Variants in CHD9 observed in about 807,000 individuals in gnomAD.
CHD9 encodes chromodomain helicase DNA binding protein 9, also known as ATP-dependent chromatin remodeler CHD9.
Under a neutral mutation model 316.1 loss-of-function variants are expected in CHD9, and 77 were observed. The observed-to-expected ratio is 0.24, with a 90% confidence interval of 0.20 to 0.29. The LOEUF is 0.29. Ranked by LOEUF, CHD9 falls within the 10% of genes least tolerant of loss-of-function variation. The pLI is 1.00. For missense variants in CHD9, 2,763 were observed against 3,438.1 expected, an observed-to-expected ratio of 0.80 and a Z score of 4.91; for synonymous variants, 1,129 against 1,158.3, an observed-to-expected ratio of 0.97 and a Z score of 0.51.
rs544387273 is a variant in CHD9 at position 53,087,820 on chromosome 16, C to T, written c.-165+32743C>T. Reference sequence around the variant, plus strand: ...AAAATTAACCAGGCATGGTCGTGGGCGCCCATAATCCCAGCTACTCGGGAA... The same window carrying T: ...AAAATTAACCAGGCATGGTCGTGGGTGCCCATAATCCCAGCTACTCGGGAA... On this transcript the variant is annotated intron_variant, in intron 1 of 38. Transcript: ENST00000447540. Among the ~76,000 whole-genome samples, 10 of 151,994 alleles carry T rather than the reference C, an allele frequency of 6.6e-5. No homozygotes were observed. In the South Asian group the frequency reaches 1.0e-3, roughly 16 times the overall value.
intron 1 of CHD9, among the ~76,000 whole-genome samples, chr16:53,137,194 G>A (rs1039937097): frequency 1.4e-4 from 22 of 152,150 alleles, no homozygotes; most frequent in Non-Finnish European, 2.5e-4. Flanking sequence ...GGATGGTCTC[G>A]ATCTCTTGAC....
chr16:53,203,849 C>T (rs569313736), intron 2 of CHD9, among the ~76,000 whole-genome samples: 4 of 151,416 alleles, frequency 2.6e-5, no homozygotes, highest in African/African-American at 9.7e-5. Flanking sequence ...TGGTGAAACC[C>T]CGTCTCTACT....
At position 53,108,084 on chromosome 16, in the gene CHD9, T is replaced by C. The variant is rs992567576; in HGVS notation, c.-164-47842T>C. ...TTCAAATAAAGTCATAAACTTTCCT[T>C]GTGGTATAATTTGAGGGTAAGACCT... On this transcript the variant is annotated intron_variant, in intron 1 of 38. Coordinates refer to ENST00000447540, the MANE Select transcript of CHD9 (RefSeq NM_001308319.2). 9.2e-5 allele frequency among the ~76,000 whole-genome samples: 14 copies of C among 152,332 alleles called. 1 individual carries two copies. Among genetic ancestry groups the C allele is most frequent in the Non-Finnish European group, 1.5e-5 (1 of 68,018 alleles).
chr16:53,140,178 C>T (rs1020558170), intron 1 of CHD9, among the ~76,000 whole-genome samples: 2 of 151,260 alleles, frequency 1.3e-5, no homozygotes, highest in Non-Finnish European at 2.9e-5. Context: ...ATATTTAGGC[C>T]GGGAGTGGTG....
chr16:53,289,986 C>T (rs2054194723), intron 27 of CHD9, among the ~76,000 whole-genome samples: 1 of 152,130 alleles, frequency 6.6e-6, no homozygotes, highest in African/African-American at 2.4e-5. Context: ...AGAAACTGCT[C>T]AAATTGACCA....
At position 53,285,629 on chromosome 16, in the gene CHD9, C is replaced by A; in HGVS notation, c.5001C>A (p.His1667Gln). 6.2e-7 allele frequency: 1 copy of A among 1,607,858 alleles called. No homozygotes were observed. Among genetic ancestry groups the A allele is most frequent in the Non-Finnish European group, 8.5e-7 (1 of 1,176,684 alleles). ...ATGTTTGGGTACCAGAACCAGACCA[C>A]TCAGAAGTTCCTGCTGAGTGGTGGG... Reference protein sequence around the residue: ...DIDVWVPEPDHSEVPAEWWDF... With the variant: ...DIDVWVPEPDQSEVPAEWWDF... The change falls in exon 25 of 39, where the codon CAC becomes CAA. Residue 1667 changes from histidine (H) to glutamine (Q), a missense_variant. His to Gln is a conservative substitution (Grantham distance 24). This residue lies in a region of CHD9 where 40 missense variants were observed against 39.5 expected (regional missense o/e 1.01). Transcript: ENST00000447540.
intron 1 of CHD9, among the ~76,000 whole-genome samples, chr16:53,081,535 TCAC>T (rs1443206169): frequency 1.5e-4 from 23 of 152,138 alleles, no homozygotes; most frequent in African/African-American, 5.3e-4. Flanking sequence ...CGTGTCTTAT[TCAC>T]CACTCTATCC....
At chr16:53,163,475 G>A (rs1052492067) in intron 2 of CHD9, among the ~76,000 whole-genome samples, 2 of 152,164 alleles carry the variant, frequency 1.3e-5, no homozygotes, top group Admixed American at 1.3e-4. Flanking sequence ...CTCCCAAAGT[G>A]CTGGGATTAC....
intron 1 of CHD9, among the ~76,000 whole-genome samples, chr16:53,126,662 ATTCT>A (rs2038981262): frequency 1.6e-5 from 2 of 123,216 alleles, no homozygotes; most frequent in Non-Finnish European, 1.6e-5. Flanking sequence ...TCATTCATTC[ATTCT>A]TTCTTTCGTT....
chr16:53,163,150 T>A (rs1017258895), intron 2 of CHD9, among the ~76,000 whole-genome samples: 3 of 146,466 alleles, frequency 2.0e-5, no homozygotes, highest in Admixed American at 6.8e-5. Flanking sequence ...TGTTGTGTTA[T>A]GTAAGATTCC....
chr16:53,118,074 G>T (rs1000714339), intron 1 of CHD9, among the ~76,000 whole-genome samples: 4 of 151,974 alleles, frequency 2.6e-5, no homozygotes, highest in Non-Finnish European at 5.9e-5. Flanking sequence ...TGATCCACCC[G>T]CCTCGGCCTC....
intron 2 of CHD9, among the ~76,000 whole-genome samples, chr16:53,170,662 T>C (rs1221455136): frequency 3.3e-5 from 5 of 151,852 alleles, no homozygotes; most frequent in Non-Finnish European, 7.4e-5. Context: ...GAAATTCTGA[T>C]TGAATTTCAC....
chr16:53,202,824 C>T (rs958773545), intron 2 of CHD9, among the ~76,000 whole-genome samples: 6 of 151,854 alleles, frequency 4.0e-5, no homozygotes, highest in South Asian at 2.1e-4. Context: ...GGTACTACTG[C>T]GAGTCACAAG....
intron 12 of CHD9, among the ~76,000 whole-genome samples, chr16:53,239,411 C>T (rs773930254): frequency 1.3e-5 from 2 of 151,392 alleles, no homozygotes; most frequent in Non-Finnish European, 2.9e-5. Context: ...ATAGCAAGAC[C>T]CCATCTCTAC....
chr16:53,321,481 T>C lies in CHD9; in HGVS notation c.7714-45T>C, dbSNP rs1421301148. 2.0e-6 allele frequency: 3 copies of C among 1,476,156 alleles called. No individual in the cohort carries two copies. The African/African-American group carries it at 4.2e-5, about 21-fold the overall frequency. The allele number at this position is 1,476,156 out of a possible 1,614,324, so 91.4% of individuals were successfully genotyped here. On this transcript the variant is annotated intron_variant, in intron 37 of 38. Transcript: ENST00000447540. The stretch of plus-strand genomic sequence containing the variant: ...ATACAATAAAAGCAATCAAGAGTTT[T>C]CTATGTAACAGTGTTGTAGTATTTA...
At chr16:53,058,258 C>T (rs1314388707) in intron 1 of CHD9, among the ~76,000 whole-genome samples, 2 of 152,034 alleles carry the variant, frequency 1.3e-5, no homozygotes, top group Admixed American at 1.3e-4. Context: ...GTAGCTGGTA[C>T]TACAGGCACA....
chr16:53,073,327 G>C (rs1248573980), intron 1 of CHD9, among the ~76,000 whole-genome samples: 1 of 152,122 alleles, frequency 6.6e-6, no homozygotes, highest in Admixed American at 6.5e-5. Flanking sequence ...TCCTTTTAAG[G>C]CTGAATACTA....
At chr16:53,116,486 T>C (rs1344155939) in intron 1 of CHD9, among the ~76,000 whole-genome samples, 1 of 152,198 alleles carries the variant, frequency 6.6e-6, no homozygotes, top group African/African-American at 2.4e-5. Context: ...TAGAGAGGGT[T>C]CTGCTTTGCT....
intron 2 of CHD9, among the ~76,000 whole-genome samples, chr16:53,197,660 C>CTTTT (rs140745645): frequency 7.0e-6 from 1 of 142,796 alleles, no homozygotes; most frequent in Non-Finnish European, 1.5e-5. Context: ...AATATTCTAG[C>CTTTT]TTTTTTTTTT....
Sources: gnomAD v4.1 joint callset for allele counts (sites outside exome capture counted in the v4.1 genomes callset) on GRCh38, gnomAD v4.1.1 for gene constraint, gnomAD v4.1.1 regional missense constraint, MANE v1.5 for transcripts, NCBI Gene and HGNC (gene_info 2026-07-23, HGNC 2026-07-21) for gene names.